NSD3: variants seen among roughly 807,000 people sequenced by gnomAD.
NSD3 encodes nuclear receptor binding SET domain protein 3.
In NSD3, 24 loss-of-function variants were observed where a neutral mutation model predicts 160.8. The ratio of observed to expected loss-of-function variants is 0.15; its 90% CI spans 0.11 to 0.21. The LOEUF is 0.21. Among genes scored for constraint, NSD3 ranks in the 10% least tolerant of loss-of-function variants. The pLI is 1.00. For missense variants in NSD3, 1,157 were observed against 1,735.9 expected (o/e 0.67, Z 5.93); for synonymous variants, 520 against 600.0 (o/e 0.87, Z 1.95).
At chr8:38,287,619 T>C (rs1029660242) in intron 19 of NSD3, among the ~76,000 whole-genome samples, 1 of 152,146 alleles carries the variant, frequency 6.6e-6, no homozygotes, top group African/African-American at 2.4e-5. Flanking sequence ...GACTTTTCTT[T>C]ACTACATTAG....
Position 38,375,227 on chromosome 8 carries a change from G to A in NSD3, c.-45+6572C>T, listed in dbSNP as rs191170239. Among the ~76,000 whole-genome samples the A allele has an allele frequency of 1.6e-4, 25 of 152,074 alleles. No homozygotes were observed. In the East Asian group the frequency reaches 4.4e-3, roughly 27 times the overall value. The stretch of plus-strand genomic sequence containing the variant: ...TCATTTTCCTAGTCACTTGCTCTAA[G>A]TAGCCCTAAATGTAGATGGAAAAAA... On this transcript the variant is annotated intron_variant, in intron 1 of 23. Coordinates refer to ENST00000317025, the MANE Select transcript of NSD3 (RefSeq NM_023034.2).
chr8:38,371,522 A>C (rs1563371660), intron 1 of NSD3, among the ~76,000 whole-genome samples: 1 of 152,234 alleles, frequency 6.6e-6, no homozygotes, highest in Non-Finnish European at 1.5e-5. Context: ...TCAAGATTTA[A>C]AATCGCTATC....
intron 1 of NSD3, among the ~76,000 whole-genome samples, chr8:38,369,252 T>C (rs1811179774): frequency 6.6e-6 from 1 of 152,198 alleles, no homozygotes; most frequent in Admixed American, 6.5e-5. Context: ...AATTTCATAC[T>C]ATATATCCAA....
chr8:38,281,636 T>A, intron 19 of NSD3, 53 bp from the exon 20 acceptor site: 13 of 1,228,692 alleles, frequency 1.1e-5, no homozygotes, highest in Non-Finnish European at 1.4e-5. Context: ...ATATAAAGCA[T>A]TGCTTAATGA....
intron 16 of NSD3, among the ~76,000 whole-genome samples, chr8:38,293,886 A>G (rs1809067674): frequency 7.5e-6 from 1 of 133,842 alleles, no homozygotes; most frequent in African/African-American, 2.8e-5. Context: ...TCATATCACT[A>G]CATCCCAGCC....
chr8:38,306,511 GA>G (rs1471951047), intron 12 of NSD3, among the ~76,000 whole-genome samples: 3 of 151,742 alleles, frequency 2.0e-5, no homozygotes, highest in Admixed American at 6.6e-5. Flanking sequence ...AACTAAACAG[GA>G]AAAAAAGAAG....
intron 21 of NSD3, 94 bp downstream of exon 21, chr8:38,279,446 C>T (rs767433737): frequency 2.2e-4 from 299 of 1,390,104 alleles, no homozygotes; most frequent in Non-Finnish European, 2.8e-4. Flanking sequence ...TAAATAAGTT[C>T]TTGGGCATCA....
rs764901091 is a variant in NSD3 at position 38,281,604 on chromosome 8, T to G, written c.3502-21A>C. 28 of 1,535,050 alleles carry G rather than the reference T, an allele frequency of 1.8e-5. No homozygotes were observed. The Admixed American group carries it at 5.1e-4, about 28-fold the overall frequency. On this transcript the variant is annotated intron_variant, in intron 19 of 23. Coordinates refer to ENST00000317025, the MANE Select transcript of NSD3 (RefSeq NM_023034.2). ...TCACCCTGGAGATAAATGTGCAATA[T>G]GTAACTTAAAATCAGTGTATTATAT...
At chr8:38,337,004 T>C (rs955984076) in intron 4 of NSD3, among the ~76,000 whole-genome samples, 6 of 151,896 alleles carry the variant, frequency 4.0e-5, no homozygotes, top group African/African-American at 9.7e-5. Flanking sequence ...TAACCAGGAA[T>C]TGTGGCGGGT....
chr8:38,349,064 A>G (rs1810604446), intron 1 of NSD3, among the ~76,000 whole-genome samples: 2 of 152,192 alleles, frequency 1.3e-5, no homozygotes, highest in Admixed American at 1.3e-4. Flanking sequence ...TGATGGGTAT[A>G]CTTTCACATC....
chr8:38,328,680 T>C (rs1809973328), intron 6 of NSD3, among the ~76,000 whole-genome samples: 1 of 152,048 alleles, frequency 6.6e-6, no homozygotes, highest in African/African-American at 2.4e-5. Context: ...CTCAACACAG[T>C]GGGATGGGAT....
chr8:38,332,142 T>C (rs1282280086), intron 4 of NSD3, among the ~76,000 whole-genome samples: 2 of 152,220 alleles, frequency 1.3e-5, no homozygotes, highest in African/African-American at 4.8e-5. Context: ...AGTCTTACTA[T>C]GTTGCTCAGG....
chr8:38,378,110 TAATATGTG>T (rs962567767), intron 1 of NSD3, among the ~76,000 whole-genome samples: 4 of 152,236 alleles, frequency 2.6e-5, no homozygotes, highest in African/African-American at 9.6e-5. Flanking sequence ...TAGCCTTCTG[TAATATGTG>T]AATATGTGAA....
At chr8:38,358,099 A>G (rs753944628) in intron 1 of NSD3, among the ~76,000 whole-genome samples, 2 of 152,154 alleles carry the variant, frequency 1.3e-5, no homozygotes, top group Non-Finnish European at 2.9e-5. Context: ...ATATATTTAA[A>G]ACCTTATTAA....
At chr8:38,293,525 G>A (rs1462318784) in intron 16 of NSD3, among the ~76,000 whole-genome samples, 1 of 151,860 alleles carries the variant, frequency 6.6e-6, no homozygotes, top group Non-Finnish European at 1.5e-5. Flanking sequence ...ACTCCAGCCT[G>A]GCAACAGAGC....
In NSD3 at chr8:38,329,371, G is replaced by T; in HGVS notation, c.1581+7C>A. On this transcript the variant is annotated splice_region_variant and intron_variant, in intron 6 of 23. Transcript: ENST00000317025. This position sits in a 1 kb window ranked among gnomAD's most constrained non-coding sequence, Gnocchi z 4.8. ...CCCCCAAAAAACTCCACGAAAAAAG[G>T]AGGTACCTTTGTTGAATAAACAAAT... is the stretch of plus-strand genomic sequence containing the variant. The T allele has an allele frequency of 6.2e-7, 1 of 1,601,876 alleles. No homozygotes were observed. Among genetic ancestry groups the T allele is most frequent in the Non-Finnish European group, 8.5e-7 (1 of 1,171,594 alleles).
chr8:38,335,757 G>A (rs1268144177), intron 4 of NSD3, among the ~76,000 whole-genome samples: 1 of 152,178 alleles, frequency 6.6e-6, no homozygotes, highest in African/African-American at 2.4e-5. Flanking sequence ...GCAGTGTTTA[G>A]GAGGAGAGGT....
rs763781004 is a variant in NSD3, at chr8:38,318,752, A to C, written c.1855+143T>G. On this transcript the variant is annotated intron_variant, in intron 9 of 23. Coordinates refer to ENST00000317025, the MANE Select transcript of NSD3 (RefSeq NM_023034.2). This position sits in a 1 kb window ranked among gnomAD's most constrained non-coding sequence, Gnocchi z 5.3. ...TCAACTCTAAAAGTCACACACACAC[A>C]CGAACACTGGGGAATACTGCAATTT... 36 of 739,056 alleles carry C rather than the reference A, an allele frequency of 4.9e-5. No individual in the cohort carries two copies. Among genetic ancestry groups the C allele is most frequent in the Non-Finnish European group, 1.6e-5 (7 of 429,122 alleles). 45.8% of individuals were successfully genotyped at this position (739,056 alleles called of 1,614,324 possible).
chr8:38,357,905 T>C (rs1018724458), intron 1 of NSD3, among the ~76,000 whole-genome samples: 6 of 152,146 alleles, frequency 3.9e-5, no homozygotes, highest in Non-Finnish European at 7.4e-5. Context: ...GTAATATCCT[T>C]GGTAAAATGA....
Sources: gnomAD v4.1 joint callset for allele counts (sites outside exome capture counted in the v4.1 genomes callset) on GRCh38, gnomAD v4.1.1 for gene constraint, Gnocchi (gnomAD v3.1) non-coding constraint, MANE v1.5 for transcripts, NCBI Gene and HGNC (gene_info 2026-07-23, HGNC 2026-07-21) for gene names.